Variants in NBEA observed in about 807,000 individuals in gnomAD.
NBEA encodes lysosomal-trafficking regulator 2.
In NBEA, 44 loss-of-function variants were observed where a neutral mutation model predicts 343.4. The observed-to-expected ratio is 0.13, with a 90% CI of 0.10 to 0.16. The LOEUF is 0.16. Ranked by LOEUF, NBEA falls within the 10% of genes least tolerant of loss-of-function variation. NBEA has a pLI of 1.00. For synonymous variants in NBEA, 1,175 were observed against 1,238.7 expected, an observed-to-expected ratio of 0.95 and a Z score of 1.08; for missense variants, 2,555 against 3,631.3, an observed-to-expected ratio of 0.70 and a Z score of 7.62.
chr13:35,150,149 A>G (rs1209699012), intron 18 of NBEA, among the ~76,000 whole-genome samples: 1 of 152,250 alleles, frequency 6.6e-6, no homozygotes, highest in East Asian at 1.9e-4. Flanking sequence ...CAATTTTAGT[A>G]ATAATACTTG....
chr13:35,366,216 C>T (rs1377728081), intron 38 of NBEA, among the ~76,000 whole-genome samples: 2 of 151,384 alleles, frequency 1.3e-5, no homozygotes, highest in South Asian at 2.1e-4. Flanking sequence ...AACAGATGAA[C>T]ATCAAAATGT....
In NBEA at chr13:35,058,792, G is replaced by A. The variant is rs753430281; in HGVS notation, c.1168G>A (p.Val390Met). ...NRVFCGQLGA[V>M]YVFSEALNPA... ...GGTATTCTGTGGTCAACTTGGTGCC[G>A]TGTATGTGTTCAGTGAAGCACTCAA... The change falls in exon 8 of 59, where the codon GTG (valine) becomes ATG (methionine). Residue 390 changes from valine (V) to methionine (M), a missense_variant. Physicochemically the swap from Val to Met is conservative, Grantham distance 21. This residue lies in a region of NBEA where 75 missense variants were observed against 237.4 expected (regional missense o/e 0.32). Transcript: ENST00000379939. 7 of 1,603,876 alleles carry A rather than the reference G, an allele frequency of 4.4e-6. No individual in the cohort carries two copies. Among genetic ancestry groups the A allele is most frequent in the Admixed American group, 1.7e-5 (1 of 58,926 alleles).
At chr13:34,957,035 A>G (rs2059517687) in intron 1 of NBEA, among the ~76,000 whole-genome samples, 3 of 151,324 alleles carry the variant, frequency 2.0e-5, no homozygotes, top group Non-Finnish European at 4.4e-5. Flanking sequence ...ACACACACAC[A>G]CATATATATA....
chr13:35,451,954 A>C lies in NBEA; in HGVS notation c.6305-138A>C, dbSNP rs1031367941. 9 of 666,298 alleles carry C rather than the reference A, an allele frequency of 1.4e-5. No individual in the cohort carries two copies. The African/African-American group carries it at 1.6e-4, about 12-fold the overall frequency. The allele number at this position is 666,298 out of a possible 1,614,324, so 41.3% of individuals were successfully genotyped here. A position where few individuals can be genotyped will look rare whatever the true frequency, so the allele number is the denominator to read the frequency against. The stretch of plus-strand genomic sequence containing the variant: ...CACAGAAAACCAAACAAGATAAAGA[A>C]GGTTAAAATGTTCTGTAATTGTAAA... On this transcript the variant is annotated intron_variant, in intron 39 of 58. Coordinates refer to ENST00000379939, the MANE Select transcript of NBEA (RefSeq NM_001385012.1).
chr13:35,078,587 A>G (rs147924559), intron 10 of NBEA, among the ~76,000 whole-genome samples: 19 of 152,294 alleles, frequency 1.2e-4, no homozygotes, highest in African/African-American at 4.3e-4. Flanking sequence ...GTTGTAAAAT[A>G]TATGTCCTGG....
chr13:35,603,685 G>C (rs2082157895), intron 47 of NBEA, among the ~76,000 whole-genome samples: 2 of 152,182 alleles, frequency 1.3e-5, no homozygotes, highest in South Asian at 4.1e-4. Context: ...CCTCGTTGTA[G>C]AGATAGGGCA....
chr13:35,325,443 A>G (rs1177949786), intron 36 of NBEA, among the ~76,000 whole-genome samples: 2 of 152,038 alleles, frequency 1.3e-5, no homozygotes, highest in Non-Finnish European at 2.9e-5. Flanking sequence ...AGAATAAATA[A>G]TACCAATATA....
rs552106836 is a variant in NBEA at position 35,534,138 on chromosome 13, GAACTTCTTTTCTTTTTCATAATACTCGT to G, written c.6586-16336_6586-16309del. ...GATTGCCGTATCTAAAGTCTGGACT[GAACTTCTTTTCTTTTTCATAATACTCGT>G]AAATCTGCCAGTAATCCTAAACCTA... is the stretch of plus-strand genomic sequence containing the variant. On this transcript the variant is annotated intron_variant, in intron 41 of 58. Transcript: ENST00000379939. Among the ~76,000 whole-genome samples the G allele has an allele frequency of 2.4e-4, 36 of 152,264 alleles. No individual in the cohort carries two copies. In the South Asian group the frequency reaches 6.2e-3, roughly 26 times the overall value.
intron 41 of NBEA, chr13:35,476,213 G>C (rs535310771): frequency 6.2e-7 from 1 of 1,607,138 alleles, no homozygotes; most frequent in African/African-American, 1.3e-5. Context: ...GCTAGAGCTG[G>C]AGCCAACTTC....
At chr13:35,412,730 A>G (rs190479478) in intron 38 of NBEA, among the ~76,000 whole-genome samples, 1 of 152,144 alleles carries the variant, frequency 6.6e-6, no homozygotes, top group Non-Finnish European at 1.5e-5. Context: ...GGAAACAGCT[A>G]TGCTGGTGCT....
chr13:35,435,080 G>A (rs1430594010), intron 39 of NBEA, among the ~76,000 whole-genome samples: 1 of 152,130 alleles, frequency 6.6e-6, no homozygotes. Context: ...CCAGGCTGGA[G>A]TGCAATGGCG....
intron 34 of NBEA, among the ~76,000 whole-genome samples, chr13:35,288,764 C>T (rs925196258): frequency 7.2e-5 from 11 of 151,862 alleles, no homozygotes; most frequent in Non-Finnish European, 1.2e-4. Flanking sequence ...ATATCAAAGC[C>T]TTATTGTCTA....
intron 1 of NBEA, among the ~76,000 whole-genome samples, chr13:34,958,597 G>GT (rs1356654856): frequency 6.6e-6 from 1 of 151,694 alleles, no homozygotes; most frequent in Non-Finnish European, 1.5e-5. Flanking sequence ...ATGCATAGGT[G>GT]TAAGTTTAGG....
At position 35,236,778 on chromosome 13, in the gene NBEA, C is replaced by A. The variant is rs1289786531; in HGVS notation, c.5776+4159C>A. On this transcript the variant is annotated intron_variant, in intron 34 of 58. Transcript: ENST00000379939. ...GCCTAAACCCTTTTTTTTTTTAAATCTCCCCAAATTATACTCATCCTTTGA... is the reference window on the plus strand; with the variant it reads ...GCCTAAACCCTTTTTTTTTTTAAATATCCCCAAATTATACTCATCCTTTGA... Among the ~76,000 whole-genome samples, 3 of 150,488 alleles carry A rather than the reference C, an allele frequency of 2.0e-5. No individual in the cohort carries two copies. In the South Asian group the frequency reaches 6.3e-4, roughly 31 times the overall value.
intron 41 of NBEA, chr13:35,476,464 G>A (rs1165546917): frequency 2.5e-6 from 2 of 808,238 alleles, no homozygotes; most frequent in Non-Finnish European, 4.1e-6. Context: ...TGAGAGAACC[G>A]CATGGAGAGA....
chr13:35,174,357 G>A (rs1399839228), intron 27 of NBEA, among the ~76,000 whole-genome samples: 1 of 151,984 alleles, frequency 6.6e-6, no homozygotes, highest in East Asian at 1.9e-4. Context: ...TCAGTCTAGG[G>A]TTGTTCCTTC....
intron 41 of NBEA, among the ~76,000 whole-genome samples, chr13:35,521,533 G>A (rs993075425): frequency 3.9e-5 from 6 of 152,182 alleles, no homozygotes; most frequent in Non-Finnish European, 8.8e-5. Flanking sequence ...CCATTTGTCT[G>A]GATGTCTCCC....
chr13:35,173,355 T>G lies in NBEA; in HGVS notation c.4424-109T>G. ...ATCTAGTTGATTTTAAGATTAATAG[T>G]TTATGAAGCAAGGGGAAAGAAAGGG... On this transcript the variant is annotated intron_variant, in intron 26 of 58. Coordinates refer to ENST00000379939, the MANE Select transcript of NBEA (RefSeq NM_001385012.1). The G allele has an allele frequency of 3.0e-6, 3 of 992,082 alleles. No individual in the cohort carries two copies. In the South Asian group the frequency reaches 6.6e-5, roughly 22 times the overall value. 61.5% of individuals were successfully genotyped at this position (992,082 alleles called of 1,614,324 possible).
At chr13:35,264,230 C>T (rs1254341034) in intron 34 of NBEA, among the ~76,000 whole-genome samples, 1 of 151,538 alleles carries the variant, frequency 6.6e-6, no homozygotes, top group Non-Finnish European at 1.5e-5. Flanking sequence ...AAAATCTGAA[C>T]AGATCAATAA....
Sources: gnomAD v4.1 joint callset for allele counts (sites outside exome capture counted in the v4.1 genomes callset) on GRCh38, gnomAD v4.1.1 for gene constraint, gnomAD v4.1.1 regional missense constraint, MANE v1.5 for transcripts, NCBI Gene and HGNC (gene_info 2026-07-23, HGNC 2026-07-21) for gene names.